Variants in VPS13C observed in about 807,000 individuals in gnomAD.
VPS13C encodes the protein vacuolar protein sorting 13 homolog C.
VPS13C carries 358 observed loss-of-function variants against 456.8 expected under a neutral mutation model. That is an observed-to-expected ratio of 0.78 (90% confidence interval 0.72 to 0.86). VPS13C has a LOEUF of 0.86. VPS13C is among the 40% of genes least tolerant of loss of function. VPS13C has a pLI of 0.00. For synonymous variants in VPS13C, 1,578 were observed against 1,486.7 expected (o/e 1.06, Z -1.41); for missense variants, 4,818 against 4,385.4 (o/e 1.10, Z -2.79).
rs1356200742 is a variant in VPS13C, at chr15:61,950,352, T to C, written c.4596+6A>G. On this transcript the variant is annotated splice_donor_region_variant and intron_variant, in intron 41 of 84. Transcript: ENST00000644861. The stretch of plus-strand genomic sequence containing the variant: ...CCAACCTTATAGCAAATTATAAAAG[T>C]TTTACCTTCAGTCTCTGTTTGGTAC... 1 of 1,607,408 alleles carries C rather than the reference T, an allele frequency of 6.2e-7. No individual in the cohort carries two copies. The highest frequency in any genetic ancestry group is 1.7e-5 in the Admixed American group (1 of 59,860).
At chr15:62,033,166 A>G (rs1596506671) in intron 5 of VPS13C, among the ~76,000 whole-genome samples, 1 of 151,814 alleles carries the variant, frequency 6.6e-6, no homozygotes, top group East Asian at 1.9e-4. Flanking sequence ...AAATACTGAA[A>G]ATTTGGAAAG....
chr15:61,983,705 G>A (rs2045952479), intron 20 of VPS13C, 115 bp downstream of exon 20: 1 of 1,189,506 alleles, frequency 8.4e-7, no homozygotes, highest in African/African-American at 1.6e-5. Flanking sequence ...AAACCTATTA[G>A]GAAACTTACT....
chr15:61,858,317 A>ACCATCTAT lies in VPS13C; in HGVS notation c.10953-1909_10953-1908insATAGATGG, dbSNP rs1298744718. Among the ~76,000 whole-genome samples, 66 of 147,656 alleles carry ACCATCTAT rather than the reference A, an allele frequency of 4.5e-4. No individual in the cohort carries two copies. The highest frequency in any genetic ancestry group is 1.6e-3 in the African/African-American group (64 of 39,846). ...ACTCGAGATTTTTATCCAAACTCCA[A>ACCATCTAT]CTATCTATCTATCTATCTATCTATC... On this transcript the variant is annotated intron_variant, in intron 82 of 84. Transcript: ENST00000644861. This position sits in a 1 kb window ranked among gnomAD's most constrained non-coding sequence, Gnocchi z 4.4.
chr15:61,962,876 T>A (rs746813860), intron 32 of VPS13C, 24 bp from the exon 33 acceptor site: 1 of 1,488,538 alleles, frequency 6.7e-7, no homozygotes, highest in Non-Finnish European at 9.3e-7. Context: ...TGTATTATTA[T>A]AATTTCTACA....
chr15:62,017,802 G>GT (rs1186786018), intron 9 of VPS13C, among the ~76,000 whole-genome samples: 1 of 152,144 alleles, frequency 6.6e-6, no homozygotes, highest in African/African-American at 2.4e-5. Context: ...CTTTAAAGTA[G>GT]TTTTTTCCAA....
intron 64 of VPS13C, 30 bp downstream of exon 64, chr15:61,910,147 A>G (rs2140143417): frequency 5.1e-6 from 6 of 1,182,890 alleles, no homozygotes; most frequent in Middle Eastern, 2.6e-4. Context: ...ATAAATAAAA[A>G]TAAAAATAAA....
chr15:61,980,892 A>C (rs1200328922), intron 22 of VPS13C, among the ~76,000 whole-genome samples: 1 of 152,138 alleles, frequency 6.6e-6, no homozygotes, highest in East Asian at 1.9e-4. Flanking sequence ...TGAAATTGTC[A>C]CCTTTTACTG....
At position 61,922,422 on chromosome 15, in the gene VPS13C, G is replaced by C. The variant is rs2043689243; in HGVS notation, c.6950C>G (p.Ala2317Gly). 1 of 1,613,616 alleles carries C rather than the reference G, an allele frequency of 6.2e-7. No individual in the cohort carries two copies. The highest frequency in any genetic ancestry group is 1.3e-5 in the African/African-American group (1 of 74,994). Residue 2317 changes from alanine (A) to glycine (G), a missense_variant, in exon 54 of 85, where the codon GCT (alanine) becomes GGT (glycine). Physicochemically the swap from Ala to Gly is moderately conservative, Grantham distance 60 (BLOSUM62 0). Around this residue, in one of 3 missense-constraint regions of VPS13C, gnomAD observed 4,552 missense variants for 4,130.6 expected, o/e 1.10. Transcript: ENST00000644861. ...CTGTAGTGTCACGTCAGCAACAGCAGCCATTAGAGAAGTCCAATTTTTAAT... is the reference window on the plus strand; with the variant it reads ...CTGTAGTGTCACGTCAGCAACAGCACCCATTAGAGAAGTCCAATTTTTAAT... ...GNIKNWTSLM[A>G]AVADVTLQVH... is the part of the protein sequence containing the mutation.
chr15:61,939,989 G>A (rs1346824696), intron 47 of VPS13C, among the ~76,000 whole-genome samples: 15 of 142,528 alleles, frequency 1.1e-4, no homozygotes, highest in Non-Finnish European at 1.7e-4. Flanking sequence ...GCAAGACTCC[G>A]TCTCAAAAAA....
At chr15:61,870,039 A>T (rs1894898040) in intron 79 of VPS13C, among the ~76,000 whole-genome samples, 1 of 152,198 alleles carries the variant, frequency 6.6e-6, no homozygotes. Context: ...GCTTTTAAAA[A>T]AATATATAAC....
chr15:62,023,992 T>C, intron 6 of VPS13C, 147 bp from the exon 7 acceptor site: 1 of 507,570 alleles, frequency 2.0e-6, no homozygotes, highest in Non-Finnish European at 3.4e-6. Context: ...GTTACTTCAA[T>C]ATAAAGACAA....
chr15:61,869,951 C>T (rs1257443418), intron 79 of VPS13C, among the ~76,000 whole-genome samples: 1 of 152,124 alleles, frequency 6.6e-6, no homozygotes, highest in Non-Finnish European at 1.5e-5. Context: ...TCATCAGTAC[C>T]TGCAACTTGC....
intron 15 of VPS13C, among the ~76,000 whole-genome samples, chr15:62,003,779 A>C (rs956868593): frequency 1.3e-5 from 2 of 151,776 alleles, no homozygotes; most frequent in African/African-American, 2.4e-5. Context: ...TGAGATAATC[A>C]TGTGGTTTTT....
chr15:61,935,370 C>T (rs1045189546), intron 48 of VPS13C: 5 of 152,134 alleles, frequency 3.3e-5, no homozygotes, highest in African/African-American at 9.7e-5. Flanking sequence ...ACAAATACTG[C>T]GTAACTTTAA....
rs114740641 is a variant in VPS13C, at chr15:62,013,055, G to A, written c.809C>T (p.Ser270Leu). Reference sequence around the variant, plus strand: ...TAATATTACCAAAATCTGTTCCCTTGATCTCTGGTAAGACATGCTGCAATT... The same window carrying A: ...TAATATTACCAAAATCTGTTCCCTTAATCTCTGGTAAGACATGCTGCAATT... ...NVNCSMSYQR[S>L]REQILDQLKN... The change falls in exon 11 of 85, where the codon TCA (serine) becomes TTA (leucine). Residue 270 changes from serine to leucine, a missense_variant. Ser to Leu is a moderately radical substitution (Grantham distance 145). Transcript: ENST00000644861. The A allele has an allele frequency of 2.6e-4, 414 of 1,610,074 alleles. 2 individuals carry two copies. The East Asian group carries it at 9.0e-3, about 35-fold the overall frequency.
At position 61,917,576 on chromosome 15, in the gene VPS13C, G is replaced by T; in HGVS notation, c.7820C>A (p.Thr2607Asn). The T allele has an allele frequency of 1.2e-6, 2 of 1,613,922 alleles. No homozygotes were observed. ...ILEHQYKEST[T>N]YISWKEELHR... is the part of the protein sequence containing the mutation. ...AAGTTCTTCCTTCCAGGAAATATAAGTGGTAGATTCTTTGTACTGATGCTC... is the reference window on the plus strand; with the variant it reads ...AAGTTCTTCCTTCCAGGAAATATAATTGGTAGATTCTTTGTACTGATGCTC... The change falls in exon 60 of 85, where the codon ACT (threonine) becomes AAT (asparagine). Residue 2607 changes from threonine (T) to asparagine (N), a missense_variant. By Grantham distance (65) the Thr-to-Asn change is moderately conservative. Around this residue, in one of 3 missense-constraint regions of VPS13C, gnomAD observed 4,552 missense variants for 4,130.6 expected, o/e 1.10. Coordinates refer to ENST00000644861, the MANE Select transcript of VPS13C (RefSeq NM_020821.3).
intron 41 of VPS13C, 92 bp downstream of exon 41, chr15:61,950,266 C>T (rs1295283197): frequency 3.4e-6 from 3 of 895,218 alleles, no homozygotes; most frequent in African/African-American, 1.7e-5. Context: ...GTTATTCTCA[C>T]GTTAGAACTT....
chr15:62,006,538 T>C (rs143927835), intron 15 of VPS13C, among the ~76,000 whole-genome samples: 1,677 of 152,326 alleles, frequency 0.011, 41 homozygotes, highest in African/African-American at 0.039. Flanking sequence ...AAGTCTTTGC[T>C]ATTGTGAATA....
In VPS13C at chr15:62,014,011, T is replaced by C. The variant is rs1201303878; in HGVS notation, c.685-19A>G. On this transcript the variant is annotated intron_variant, in intron 9 of 84. Coordinates refer to ENST00000644861, the MANE Select transcript of VPS13C (RefSeq NM_020821.3). ...TTGCAGTCTAAAAGAAAAAAGGGAA[T>C]ACCTGTGAAACGTGGTATGGATGTC... 1.9e-6 allele frequency: 3 copies of C among 1,599,892 alleles called. No individual in the cohort carries two copies. The highest frequency in any genetic ancestry group is 2.6e-6 in the Non-Finnish European group (3 of 1,170,576).
Sources: gnomAD v4.1 joint callset for allele counts (sites outside exome capture counted in the v4.1 genomes callset) on GRCh38, gnomAD v4.1.1 for gene constraint, gnomAD v4.1.1 regional missense constraint, Gnocchi (gnomAD v3.1) non-coding constraint, MANE v1.5 for transcripts, NCBI Gene and HGNC (gene_info 2026-07-23, HGNC 2026-07-21) for gene names.